The following CAMTA1 variants were observed in gnomAD, a reference collection of about 807,000 sequenced individuals.
CAMTA1 encodes calmodulin-binding transcription activator 1.
CAMTA1 carries 27 observed loss-of-function variants against 170.9 expected under a neutral mutation model. That is an observed-to-expected ratio of 0.16 (90% CI 0.12 to 0.22). The LOEUF is 0.22. CAMTA1 is among the 10% of genes least tolerant of loss of function. CAMTA1 has a pLI of 1.00. For synonymous variants in CAMTA1, 833 were observed against 891.5 expected (o/e 0.93, Z 1.17); for missense variants, 1,619 against 2,217.2 (o/e 0.73, Z 5.42).
At chr1:6,992,359 A>T (rs1400143893) in intron 3 of CAMTA1, among the ~76,000 whole-genome samples, 4 of 152,224 alleles carry the variant, frequency 2.6e-5, no homozygotes. Context: ...GGCATAAGCC[A>T]CTGTGCCCAG....
intron 9 of CAMTA1, among the ~76,000 whole-genome samples, chr1:7,666,671 G>A (rs1373131397): frequency 1.3e-5 from 2 of 152,184 alleles, no homozygotes; most frequent in Admixed American, 6.5e-5. Flanking sequence ...GGAGGTGGCT[G>A]CCCACGGCCC....
At chr1:7,508,001 C>T (rs2094146165) in intron 6 of CAMTA1, among the ~76,000 whole-genome samples, 1 of 152,262 alleles carries the variant, frequency 6.6e-6, no homozygotes, top group South Asian at 2.1e-4. Context: ...TTCACCAAGT[C>T]ATGACGATAC....
chr1:6,787,979 T>C (rs1215307913), intron 1 of CAMTA1, among the ~76,000 whole-genome samples: 1 of 152,206 alleles, frequency 6.6e-6, no homozygotes, highest in East Asian at 1.9e-4. Flanking sequence ...ATATGTCCCT[T>C]TTGTATTTTG....
At chr1:7,735,358 T>G (rs1390963446) in intron 12 of CAMTA1, among the ~76,000 whole-genome samples, 10 of 151,438 alleles carry the variant, frequency 6.6e-5, no homozygotes, top group Admixed American at 6.6e-4. Flanking sequence ...TAGCTAGAAA[T>G]TGCTTGAACC....
At chr1:7,372,778 G>A (rs1030929369) in intron 5 of CAMTA1, among the ~76,000 whole-genome samples, 4 of 152,222 alleles carry the variant, frequency 2.6e-5, no homozygotes. Flanking sequence ...GATGAGACAC[G>A]TGGCTTCCGG....
intron 5 of CAMTA1, among the ~76,000 whole-genome samples, chr1:7,398,193 C>CTCTCTCTCTCTA (rs1557651862): frequency 1.2e-4 from 2 of 16,894 alleles, no homozygotes; most frequent in Non-Finnish European, 2.2e-4. Flanking sequence ...CTCTCTCTCT[C>CTCTCTCTCTCTA]TATATATATA....
chr1:7,064,041 A>G lies in CAMTA1; in HGVS notation c.235-27263A>G, dbSNP rs190097738. On this transcript the variant is annotated intron_variant, in intron 3 of 22. Coordinates refer to ENST00000303635, the MANE Select transcript of CAMTA1 (RefSeq NM_015215.4). This position sits in a 1 kb window ranked among gnomAD's most constrained non-coding sequence, Gnocchi z 5.4. ...CTGGCTGCCAGGTGGCTGCCTTCTC[A>G]TATGGTGGGAGCCTTTGCCTTCACC... 0.014 allele frequency among the ~76,000 whole-genome samples: 2,188 copies of G among 152,110 alleles called. 15 individuals are homozygous for G. Among genetic ancestry groups the G allele is most frequent in the Non-Finnish European group, 0.022 (1,511 of 67,968 alleles).
At chr1:7,542,838 A>AGTGT (rs373719721) in intron 6 of CAMTA1, among the ~76,000 whole-genome samples, 969 of 55,992 alleles carry the variant, frequency 0.017, 18 homozygotes, top group East Asian at 0.074. Flanking sequence ...CCTAAAACAC[A>AGTGT]GTGTGTGTGT....
At chr1:7,527,530 G>GTA (rs372800599) in intron 6 of CAMTA1, among the ~76,000 whole-genome samples, 18 of 152,362 alleles carry the variant, frequency 1.2e-4, no homozygotes, top group African/African-American at 4.1e-4. Context: ...AGAGGCAAGA[G>GTA]TATAGCACAG....
chr1:7,619,585 G>T (rs1558012156), intron 6 of CAMTA1, among the ~76,000 whole-genome samples: 2 of 152,016 alleles, frequency 1.3e-5, no homozygotes. Context: ...AGAATAATTG[G>T]CCAATGAGAT....
intron 5 of CAMTA1, among the ~76,000 whole-genome samples, chr1:7,467,000 C>G (rs2093226539): frequency 6.7e-6 from 1 of 148,584 alleles, no homozygotes. Flanking sequence ...CGGTGCCCAG[C>G]TCTACACACG....
Position 7,738,343 on chromosome 1 carries a change from C to T in CAMTA1, c.4043C>T (p.Ala1348Val). ...NPKGTSVGKE[A>V]APSQVRPREP... ...AAGGGGACCAGTGTAGGAAAGGAGG[C>T]AGCACCTTCACAGGTGCGTCCACGG... The change falls in exon 16 of 23, where the codon GCA (alanine) becomes GTA (valine). Residue 1348 changes from alanine (A) to valine (V), a missense_variant. By Grantham distance (64) the Ala-to-Val change is moderately conservative. Around this residue, in one of 8 missense-constraint regions of CAMTA1, gnomAD observed 370 missense variants for 429.4 expected, o/e 0.86. Transcript: ENST00000303635. This position sits in a 1 kb window ranked among gnomAD's most constrained non-coding sequence, Gnocchi z 4.9. 1 of 1,614,214 alleles carries T rather than the reference C, an allele frequency of 6.2e-7. No homozygotes were observed. Among genetic ancestry groups the T allele is most frequent in the Admixed American group, 1.7e-5 (1 of 60,026 alleles).
chr1:6,976,895 G>A (rs1693527423), intron 3 of CAMTA1, among the ~76,000 whole-genome samples: 1 of 152,172 alleles, frequency 6.6e-6, no homozygotes, highest in Non-Finnish European at 1.5e-5. Flanking sequence ...TCTCGTGATA[G>A]TGAATAAGTC....
chr1:7,022,585 G>A (rs1398860702), intron 3 of CAMTA1, among the ~76,000 whole-genome samples: 1 of 152,252 alleles, frequency 6.6e-6, no homozygotes, highest in African/African-American at 2.4e-5. Flanking sequence ...GAGAGGTAGT[G>A]TAGCCCACTT....
chr1:7,705,411 C>T (rs2096505812), intron 11 of CAMTA1, among the ~76,000 whole-genome samples: 1 of 148,304 alleles, frequency 6.7e-6, no homozygotes, highest in Non-Finnish European at 1.5e-5. Context: ...GTGTGAGCCA[C>T]GCGTGTCTGG....
chr1:7,134,509 T>G (rs1645437263), intron 4 of CAMTA1, among the ~76,000 whole-genome samples: 1 of 152,130 alleles, frequency 6.6e-6, no homozygotes, highest in Admixed American at 6.5e-5. Flanking sequence ...GGTCTCACTA[T>G]GTTGTCCAGG....
intron 3 of CAMTA1, among the ~76,000 whole-genome samples, chr1:6,857,511 T>C (rs1036888332): frequency 6.6e-6 from 1 of 152,216 alleles, no homozygotes; most frequent in Non-Finnish European, 1.5e-5. Flanking sequence ...AGATAGTTGC[T>C]ACAGACTACT....
chr1:6,826,915 C>T (rs1647209621), intron 3 of CAMTA1, among the ~76,000 whole-genome samples: 2 of 152,202 alleles, frequency 1.3e-5, no homozygotes, highest in South Asian at 4.1e-4. Context: ...CAGCATAACC[C>T]TTCAACTTTC....
chr1:6,820,828 AC>A (rs1646406896), intron 2 of CAMTA1, among the ~76,000 whole-genome samples: 1 of 152,236 alleles, frequency 6.6e-6, no homozygotes, highest in Admixed American at 6.5e-5. Flanking sequence ...TTACTTAATC[AC>A]ATGTACCTCC....
Sources: gnomAD v4.1 joint callset for allele counts (sites outside exome capture counted in the v4.1 genomes callset) on GRCh38, gnomAD v4.1.1 for gene constraint, gnomAD v4.1.1 regional missense constraint, Gnocchi (gnomAD v3.1) non-coding constraint, MANE v1.5 for transcripts, NCBI Gene and HGNC (gene_info 2026-07-23, HGNC 2026-07-21) for gene names.